Variants in INTS1 observed in about 807,000 individuals in gnomAD.
INTS1 encodes the protein integrator complex subunit 1.
INTS1 carries 137 observed loss-of-function variants against 241.6 expected under a neutral mutation model. The ratio of observed to expected loss-of-function variants is 0.57; its 90% CI spans 0.49 to 0.65. The LOEUF (loss-of-function observed/expected upper bound fraction) is 0.65, where lower values mean the gene tolerates loss of function less well. INTS1 is among the 30% of genes least tolerant of loss of function. INTS1 has a pLI of 0.00. For synonymous variants in INTS1, 1,692 were observed against 1,337.8 expected, an observed-to-expected ratio of 1.26 and a Z score of -5.78; for missense variants, 3,073 against 3,032.2, an observed-to-expected ratio of 1.01 and a Z score of -0.32.
chr7:1,496,268 C>T lies in INTS1; in HGVS notation c.1603-4G>A. ...TGATGTGCACCACGAAGCGCTCCTG[C>T]AGGTGCAGCACGGGGTCTGTATCCA... On this transcript the variant is annotated splice_region_variant and splice_polypyrimidine_tract_variant and intron_variant, in intron 11 of 47. Transcript: ENST00000404767. 1 of 1,613,220 alleles carries T rather than the reference C, an allele frequency of 6.2e-7. No individual in the cohort carries two copies.
chr7:1,500,139 G>A, intron 4 of INTS1, 31 bp downstream of exon 4: 4 of 1,579,798 alleles, frequency 2.5e-6, no homozygotes, highest in Non-Finnish European at 3.5e-6. Context: ...CCCCAGCGCT[G>A]CTCGCCTCCT....
In INTS1 at chr7:1,498,913, G is replaced by C. The variant is rs538929309; in HGVS notation, c.1138-61C>G. ...CACCCCGGCAGGAAGACCACGCTGT[G>C]GGGCCACACAGAGCCTGCCCCCACC... On this transcript the variant is annotated intron_variant, in intron 8 of 47. Transcript: ENST00000404767. 9.1e-6 allele frequency: 14 copies of C among 1,539,872 alleles called. No homozygotes were observed. The East Asian group carries it at 3.2e-4, about 35-fold the overall frequency.
At chr7:1,477,054 A>C (rs1781759078) in intron 35 of INTS1, 136 bp from the exon 36 acceptor site, 1 of 1,135,148 alleles carries the variant, frequency 8.8e-7, no homozygotes, top group African/African-American at 1.5e-5. Context: ...CGGCCCCGTC[A>C]TGGTGCTGGA....
In INTS1 at chr7:1,497,441, CG is replaced by C. The variant is rs996250571; in HGVS notation, c.1426-128del. 6.5e-5 allele frequency: 59 copies of C among 905,730 alleles called. No individual in the cohort carries two copies. Among genetic ancestry groups the C allele is most frequent in the South Asian group, 3.0e-4 (16 of 54,148 alleles). 56.1% of individuals were successfully genotyped at this position (905,730 alleles called of 1,614,324 possible). The stretch of plus-strand genomic sequence containing the variant: ...AGTGGGTCTCAGACAGTGTGGGGTG[CG>C]GGGTGGCGGGCTCCTTGCTCTACTG... On this transcript the variant is annotated intron_variant, in intron 10 of 47. Transcript: ENST00000404767. This position sits in a 1 kb window ranked among gnomAD's most constrained non-coding sequence, Gnocchi z 5.3.
chr7:1,488,448 C>T (rs2039611375), intron 18 of INTS1, among the ~76,000 whole-genome samples: 1 of 152,180 alleles, frequency 6.6e-6, no homozygotes, highest in Non-Finnish European at 1.5e-5. Flanking sequence ...GCCCCAAAGT[C>T]AGTCTGCTCC....
Position 1,497,234 on chromosome 7 carries a change from G to T in INTS1, c.1506C>A (p.Ile502=). Residue 502 remains isoleucine (I), a synonymous_variant, in exon 11 of 48, where the codon ATC becomes ATA. Coordinates refer to ENST00000404767, the MANE Select transcript of INTS1 (RefSeq NM_001080453.3). The surrounding 1 kb of genome is among the most constrained non-coding windows in gnomAD (Gnocchi z 5.3). ...TGATCTCGTGCTTGGTCTGCTTGAT[G>T]ATCTCCCGCAGCAGGGCCCGCGAGG... ...LRASRALLRE[I]IKQTKHEINF... The T allele has an allele frequency of 1.9e-6, 3 of 1,613,406 alleles. No individual in the cohort carries two copies. Among genetic ancestry groups the T allele is most frequent in the Non-Finnish European group, 2.5e-6 (3 of 1,179,782 alleles).
At chr7:1,492,701 A>G (rs964642523) in intron 16 of INTS1, among the ~76,000 whole-genome samples, 15 of 152,226 alleles carry the variant, frequency 9.9e-5, no homozygotes, top group Admixed American at 2.6e-4. Flanking sequence ...CGGGGAAGAC[A>G]ACGGGGAAAC....
intron 26 of INTS1, chr7:1,483,387 C>G (rs887584235): frequency 1.1e-5 from 4 of 377,514 alleles, no homozygotes; most frequent in Admixed American, 3.7e-5. Context: ...AGCCTCATGT[C>G]GCACCTCCAC....
chr7:1,493,166 G>T lies in INTS1; in HGVS notation c.2069-60C>A. 1 of 1,461,336 alleles carries T rather than the reference G, an allele frequency of 6.8e-7. No individual in the cohort carries two copies. Among genetic ancestry groups the T allele is most frequent in the Non-Finnish European group, 9.6e-7 (1 of 1,044,350 alleles). 90.5% of individuals were successfully genotyped at this position (1,461,336 alleles called of 1,614,324 possible). A position where few individuals can be genotyped will look rare whatever the true frequency, so the allele number is the denominator to read the frequency against. On this transcript the variant is annotated intron_variant, in intron 15 of 47. Transcript: ENST00000404767. This position sits in a 1 kb window ranked among gnomAD's most constrained non-coding sequence, Gnocchi z 5.3. ...GCTCACAGACCATCAGGCACAGGCAGCGAGGGAACCGGCCCTGCTCGGGCC... is the reference window on the plus strand; with the variant it reads ...GCTCACAGACCATCAGGCACAGGCATCGAGGGAACCGGCCCTGCTCGGGCC...
At chr7:1,482,828 C>A (rs1782059985) in intron 26 of INTS1, 121 bp from the exon 27 acceptor site, 3 of 1,204,362 alleles carry the variant, frequency 2.5e-6, no homozygotes, top group Non-Finnish European at 3.5e-6. Flanking sequence ...TTGGGAGGAG[C>A]ACGGGGCTCC....
At chr7:1,490,020 T>C (rs151162313) in intron 16 of INTS1, among the ~76,000 whole-genome samples, 45 of 152,174 alleles carry the variant, frequency 3.0e-4, no homozygotes, top group African/African-American at 1.0e-3. Context: ...CGAGATGGAA[T>C]TATTGTAACG....
chr7:1,475,928 C>A lies in INTS1; in HGVS notation c.5502+20G>T. 4 of 1,527,462 alleles carry A rather than the reference C, an allele frequency of 2.6e-6. No homozygotes were observed. The highest frequency in any genetic ancestry group is 2.5e-5 in the East Asian group (1 of 40,504). The allele number at this position is 1,527,462 out of a possible 1,614,324, so 94.6% of individuals were successfully genotyped here. A position where few individuals can be genotyped will look rare whatever the true frequency, so the allele number is the denominator to read the frequency against. On this transcript the variant is annotated intron_variant, in intron 39 of 47. Coordinates refer to ENST00000404767, the MANE Select transcript of INTS1 (RefSeq NM_001080453.3). Reference sequence around the variant, plus strand: ...GGGCACCTGGGACGGCGGCGGGGAGCGGCAGAGTTGCGCCCTCACCTTGCA... The same window carrying A: ...GGGCACCTGGGACGGCGGCGGGGAGAGGCAGAGTTGCGCCCTCACCTTGCA...
chr7:1,497,072 C>G lies in INTS1; in HGVS notation c.1602+66G>C. 1.4e-6 allele frequency: 2 copies of G among 1,468,774 alleles called. No homozygotes were observed. Among genetic ancestry groups the G allele is most frequent in the African/African-American group, 2.8e-5 (2 of 71,774 alleles). 91.0% of individuals were successfully genotyped at this position (1,468,774 alleles called of 1,614,324 possible). A position where few individuals can be genotyped will look rare whatever the true frequency, so the allele number is the denominator to read the frequency against. On this transcript the variant is annotated intron_variant, in intron 11 of 47. Transcript: ENST00000404767. This position sits in a 1 kb window ranked among gnomAD's most constrained non-coding sequence, Gnocchi z 5.3. ...GGTGGAGTGTGCATGGGACCCAGGA[C>G]GAGGGGGATGGCGGCGCGTGGAACC...
At chr7:1,494,990 C>T (rs993741285) in intron 13 of INTS1, 97 bp from the exon 14 acceptor site, 18 of 1,405,046 alleles carry the variant, frequency 1.3e-5, no homozygotes, top group African/African-American at 2.8e-5. Context: ...CGGGCCCCAG[C>T]GCTCAGAGGC....
chr7:1,490,079 G>A (rs1461127740), intron 16 of INTS1, among the ~76,000 whole-genome samples: 1 of 104,288 alleles, frequency 9.6e-6, no homozygotes, highest in Non-Finnish European at 1.8e-5. Flanking sequence ...AACGGATCCT[G>A]GCTATGAGAC....
chr7:1,471,611 T>G lies in INTS1; in HGVS notation c.6215A>C (p.Glu2072Ala). ...DLLEVLSDID[E>A]MSRRRPEILS... ...GATCTCGGGTCTCCGCCGGGACATCTCGTCTATGTCACTCAGAACCTCCAG... is the reference window on the plus strand; with the variant it reads ...GATCTCGGGTCTCCGCCGGGACATCGCGTCTATGTCACTCAGAACCTCCAG... Residue 2072 changes from glutamate (E) to alanine (A), a missense_variant, in exon 45 of 48, where the codon GAG becomes GCG. By Grantham distance (107) the Glu-to-Ala change is moderately radical (BLOSUM62 -1). Transcript: ENST00000404767. The G allele has an allele frequency of 6.2e-7, 1 of 1,611,364 alleles. No homozygotes were observed. The highest frequency in any genetic ancestry group is 1.7e-5 in the Admixed American group (1 of 59,922).
In INTS1 at chr7:1,476,923, G is replaced by A; in HGVS notation, c.4939-5C>T. 1 of 1,608,960 alleles carries A rather than the reference G, an allele frequency of 6.2e-7. No homozygotes were observed. Among genetic ancestry groups the A allele is most frequent in the East Asian group, 2.2e-5 (1 of 44,818 alleles). On this transcript the variant is annotated splice_region_variant and splice_polypyrimidine_tract_variant and intron_variant, in intron 35 of 47. Transcript: ENST00000404767. ...CACCTGGGCCTGACCTTTGCCCTGG[G>A]GAGGGAGGAAGAAGCCCGGATGGCC...
chr7:1,476,814 C>T lies in INTS1; in HGVS notation c.5043G>A (p.Leu1681=), dbSNP rs1246213350. Residue 1681 remains leucine, a synonymous_variant, in exon 36 of 48, where the codon CTG becomes CTA. Coordinates refer to ENST00000404767, the MANE Select transcript of INTS1 (RefSeq NM_001080453.3). ...PTLHQCIRVL[L]GKSREQRFDP... Reference sequence around the variant, plus strand: ...CCCACCTCTGTTCCCGGCTCTTGCCCAGCAGGACTCGGATGCACTGGTGCA... The same window carrying T: ...CCCACCTCTGTTCCCGGCTCTTGCCTAGCAGGACTCGGATGCACTGGTGCA... 8.7e-6 allele frequency: 14 copies of T among 1,612,826 alleles called. No homozygotes were observed. Among genetic ancestry groups the T allele is most frequent in the Non-Finnish European group, 1.2e-5 (14 of 1,179,878 alleles).
intron 40 of INTS1, 25 bp from the exon 41 acceptor site, chr7:1,474,385 C>A: frequency 6.4e-7 from 1 of 1,555,108 alleles, no homozygotes; most frequent in South Asian, 1.2e-5. Context: ...AGGGCCCAGT[C>A]AGCCCCGGCC....
Sources: gnomAD v4.1 joint callset for allele counts (sites outside exome capture counted in the v4.1 genomes callset) on GRCh38, gnomAD v4.1.1 for gene constraint, Gnocchi (gnomAD v3.1) non-coding constraint, MANE v1.5 for transcripts, NCBI Gene and HGNC (gene_info 2026-07-23, HGNC 2026-07-21) for gene names.